KDM4C: variants seen among roughly 807,000 people sequenced by gnomAD.
The protein encoded by KDM4C is lysine-specific demethylase 4C.
KDM4C carries 81 observed loss-of-function variants against 129.3 expected under a neutral mutation model. The observed-to-expected ratio is 0.63, with a 90% CI of 0.52 to 0.75. The LOEUF is 0.75. Ranked by LOEUF, KDM4C falls within the 30% of genes least tolerant of loss-of-function variation. The probability of loss-of-function intolerance (pLI) is 0.00; values close to 1 mark genes in which losing one functional copy is unlikely to be tolerated. For synonymous variants in KDM4C, 573 were observed against 456.1 expected, an observed-to-expected ratio of 1.26 and a Z score of -3.26; for missense variants, 1,457 against 1,304.0, an observed-to-expected ratio of 1.12 and a Z score of -1.81.
chr9:6,772,714 A>G (rs1312509686), intron 1 of KDM4C, among the ~76,000 whole-genome samples: 7 of 107,230 alleles, frequency 6.5e-5, no homozygotes, highest in Non-Finnish European at 1.1e-4. Context: ...TTTTTTTGAG[A>G]TGGAGTTTCG....
rs191304026 is a variant in KDM4C, at chr9:6,854,257, G to A, written c.629+4557G>A. Among the ~76,000 whole-genome samples, 51 of 152,026 alleles carry A rather than the reference G, an allele frequency of 3.4e-4. 1 individual carries two copies. The highest frequency in any genetic ancestry group is 1.2e-3 in the African/African-American group (48 of 41,496). On this transcript the variant is annotated intron_variant, in intron 5 of 21. Transcript: ENST00000381309. Reference sequence around the variant, plus strand: ...GAATAAGAAACTTTCGACTGGGTGCGGTGGCTCACGCCTGTAATCCCAGCA... The same window carrying A: ...GAATAAGAAACTTTCGACTGGGTGCAGTGGCTCACGCCTGTAATCCCAGCA...
intron 5 of KDM4C, among the ~76,000 whole-genome samples, chr9:6,863,981 C>A (rs537886340): frequency 6.6e-6 from 1 of 152,236 alleles, no homozygotes; most frequent in East Asian, 1.9e-4. Flanking sequence ...CATTGAGGAT[C>A]AGCTTTCAAC....
At chr9:7,105,307 T>TAAC in intron 18 of KDM4C, 1 of 376,450 alleles carries the variant, frequency 2.7e-6, no homozygotes, top group South Asian at 2.0e-5. Context: ...ATTCTGCCAG[T>TAAC]AACAGATTGT....
intron 17 of KDM4C, among the ~76,000 whole-genome samples, chr9:7,086,591 C>T (rs1051485294): frequency 6.6e-6 from 1 of 152,168 alleles, no homozygotes; most frequent in Admixed American, 6.5e-5. Flanking sequence ...GTGCTGGGCA[C>T]CACCCTGTTC....
intron 8 of KDM4C, among the ~76,000 whole-genome samples, chr9:6,980,447 G>A (rs1040391916): frequency 6.6e-6 from 1 of 152,118 alleles, no homozygotes; most frequent in African/African-American, 2.4e-5. Flanking sequence ...CCTTATGAGA[G>A]TTCGTTAATA....
intron 19 of KDM4C, among the ~76,000 whole-genome samples, chr9:7,162,699 G>A (rs1843927598): frequency 6.6e-6 from 1 of 152,104 alleles, no homozygotes; most frequent in Non-Finnish European, 1.5e-5. Flanking sequence ...GGTTAATAAA[G>A]TTCTGCTGAA....
intron 2 of KDM4C, among the ~76,000 whole-genome samples, chr9:6,803,076 G>A (rs62567989): frequency 0.062 from 9,463 of 152,174 alleles, 442 homozygotes; most frequent in Non-Finnish European, 0.096. Context: ...CATAAACACC[G>A]TAATTGTGGT....
chr9:7,097,050 C>T (rs190941121), intron 17 of KDM4C, among the ~76,000 whole-genome samples: 38 of 152,290 alleles, frequency 2.5e-4, no homozygotes, highest in Non-Finnish European at 1.3e-4. Flanking sequence ...TTTATTACTT[C>T]CATCTAGAAT....
chr9:7,046,218 A>T (rs1275788218), intron 15 of KDM4C, among the ~76,000 whole-genome samples: 1 of 152,016 alleles, frequency 6.6e-6, no homozygotes, highest in Non-Finnish European at 1.5e-5. Flanking sequence ...GCTAAGACAC[A>T]TAAGAGTGCT....
rs768543438 is a variant in KDM4C at position 6,986,422 on chromosome 9, C to T, written c.1433C>T (p.Pro478Leu). ...DDKAYAYRSV[P>L]SISSEADDSI... is the part of the protein sequence containing the mutation. Reference sequence around the variant, plus strand: ...AAAGCTTATGCATATAGAAGTGTACCTTCTATATCCAGTGAGGCTGATGAT... The same window carrying T: ...AAAGCTTATGCATATAGAAGTGTACTTTCTATATCCAGTGAGGCTGATGAT... The change falls in exon 11 of 22, where the codon CCT (proline) becomes CTT (leucine). Residue 478 changes from proline (P) to leucine (L), a missense_variant. Transcript: ENST00000381309. The T allele has an allele frequency of 6.2e-7, 1 of 1,613,856 alleles. No homozygotes were observed. Among genetic ancestry groups the T allele is most frequent in the South Asian group, 1.1e-5 (1 of 91,074 alleles).
chr9:7,033,471 T>G (rs567145517), intron 15 of KDM4C, among the ~76,000 whole-genome samples: 74 of 152,310 alleles, frequency 4.9e-4, no homozygotes, highest in Non-Finnish European at 7.9e-4. Context: ...AACCTTGGCC[T>G]GCAAAGGCCA....
chr9:6,732,596 T>C (rs10975809), intron 1 of KDM4C, among the ~76,000 whole-genome samples: 69,255 of 151,868 alleles, frequency 0.46, 16,264 homozygotes, highest in Non-Finnish European at 0.5. Context: ...ACATTGTTCA[T>C]GCAGGGGAAG....
At chr9:6,816,856 T>C (rs970295904) in intron 4 of KDM4C, among the ~76,000 whole-genome samples, 3 of 151,904 alleles carry the variant, frequency 2.0e-5, no homozygotes, top group African/African-American at 7.2e-5. Flanking sequence ...TTTTCTTTTT[T>C]TTTTGGCTTA....
rs145774672 is a variant in KDM4C, at chr9:6,764,074, C to G, written c.-18+5871C>G. Among the ~76,000 whole-genome samples the G allele has an allele frequency of 3.3e-3, 506 of 152,236 alleles. 3 individuals carry two copies. The highest frequency in any genetic ancestry group is 0.012 in the African/African-American group (488 of 41,528). ...GCTCCCAGCCAGAATACACTTTTAA[C>G]AGTTTTTGTTTTGTTTTAATAACTT... On this transcript the variant is annotated intron_variant, in intron 1 of 21. Coordinates refer to ENST00000381309, the MANE Select transcript of KDM4C (RefSeq NM_015061.6).
chr9:7,053,760 G>A (rs1215779778), intron 17 of KDM4C, among the ~76,000 whole-genome samples: 1 of 152,074 alleles, frequency 6.6e-6, no homozygotes, highest in Non-Finnish European at 1.5e-5. Flanking sequence ...TCACTTTTGT[G>A]TAATTATTAA....
chr9:7,039,085 G>T (rs1333371328), intron 15 of KDM4C, among the ~76,000 whole-genome samples: 5 of 151,784 alleles, frequency 3.3e-5, no homozygotes, highest in Admixed American at 2.0e-4. Context: ...TTAAGGAGCC[G>T]TATTTGTCCT....
Position 6,984,287 on chromosome 9 carries a change from AGTGAAAAGT to A in KDM4C, c.1238_1246del (p.Ser413_Ser416delinsThr). ...CTCAGTCACAGATGACCTCAAGGTC[AGTGAAAAGT>A]CAGAAGCAGCAGTGAAGCTGAGGAA... On this transcript the variant is annotated inframe_deletion, in exon 10 of 22. Coordinates refer to ENST00000381309, the MANE Select transcript of KDM4C (RefSeq NM_015061.6). The A allele has an allele frequency of 6.2e-7, 1 of 1,614,080 alleles. No individual in the cohort carries two copies. The highest frequency in any genetic ancestry group is 8.5e-7 in the Non-Finnish European group (1 of 1,179,934).
At chr9:6,949,033 G>A (rs1204733833) in intron 8 of KDM4C, among the ~76,000 whole-genome samples, 16 of 141,982 alleles carry the variant, frequency 1.1e-4, no homozygotes, top group Admixed American at 9.0e-4. Context: ...CGGGCAGAGG[G>A]GCTCCTCACT....
intron 5 of KDM4C, among the ~76,000 whole-genome samples, chr9:6,863,793 CAAAAA>C (rs999369554): frequency 3.0e-4 from 21 of 70,292 alleles, no homozygotes; most frequent in African/African-American, 7.9e-4. Context: ...GACTCCATCT[CAAAAA>C]AAAAAAAAAA....
Sources: allele counts gnomAD v4.1 joint callset (sites outside exome capture counted in the v4.1 genomes callset), GRCh38; gene constraint gnomAD v4.1.1; transcripts MANE v1.5; gene names NCBI Gene and HGNC (gene_info 2026-07-23, HGNC 2026-07-21).